Variants in ENOX2 observed in about 807,000 individuals in gnomAD.
ENOX2 encodes APK1 antigen.
Under a neutral mutation model 45.0 loss-of-function variants are expected in ENOX2, and 36 were observed. The observed-to-expected ratio is 0.80, with a 90% CI of 0.61 to 1.06. ENOX2 has a LOEUF of 1.06. Among genes scored for constraint, ENOX2 ranks in the 50% least tolerant of loss-of-function variants. The pLI is 0.00. For synonymous variants in ENOX2, 174 were observed against 152.3 expected, an observed-to-expected ratio of 1.14 and a Z score of -1.05; for missense variants, 423 against 462.5, an observed-to-expected ratio of 0.91 and a Z score of 0.78.
intron 3 of ENOX2, among the ~76,000 whole-genome samples, chrX:130,727,083 G>A (rs1036466847): frequency 1.8e-5 from 2 of 112,434 alleles, no homozygotes; most frequent in Non-Finnish European, 3.8e-5. Flanking sequence ...TAAATGAACA[G>A]ATGTAAAGTA....
chrX:130,791,524 G>T (rs1479259864), intron 2 of ENOX2, among the ~76,000 whole-genome samples: 1 of 111,590 alleles, frequency 9.0e-6, no homozygotes, highest in Non-Finnish European at 1.9e-5. Context: ...TTACCACGCT[G>T]GGCAGCAGTG....
At position 130,637,147 on chromosome X, in the gene ENOX2, A is replaced by T. The variant is rs777190994; in HGVS notation, c.1311+82T>A. ...AAGAAGAATAATAGGTTTGATATTCAATTTGATTGCAGGGGACCCTTTTAT... is the reference window on the plus strand; with the variant it reads ...AAGAAGAATAATAGGTTTGATATTCTATTTGATTGCAGGGGACCCTTTTAT... On this transcript the variant is annotated intron_variant, in intron 11 of 14. Coordinates refer to ENST00000394363, the MANE Select transcript of ENOX2 (RefSeq NM_006375.4). 11 of 762,535 alleles carry T rather than the reference A, an allele frequency of 1.4e-5. No homozygotes were observed. The Admixed American group carries it at 1.9e-4, about 13-fold the overall frequency. 62.8% of individuals were successfully genotyped at this position (762,535 alleles called of 1,213,427 possible).
In ENOX2 at chrX:130,700,465, G is replaced by T. The variant is rs548850203; in HGVS notation, c.97+2655C>A. ...TAAGAAAACAAGATGTGGAGAAGGGGGCCAATGGTAGAAATTAAAAATACT... is the reference window on the plus strand; with the variant it reads ...TAAGAAAACAAGATGTGGAGAAGGGTGCCAATGGTAGAAATTAAAAATACT... On this transcript the variant is annotated intron_variant, in intron 4 of 14. Coordinates refer to ENST00000394363, the MANE Select transcript of ENOX2 (RefSeq NM_006375.4). 4.6e-4 allele frequency among the ~76,000 whole-genome samples: 51 copies of T among 111,825 alleles called. 1 individual carries two copies. In the South Asian group the frequency reaches 0.019, roughly 41 times the overall value.
rs5977346 is a variant in ENOX2, at chrX:130,688,826, T to C, written c.253+37A>G. 0.011 allele frequency: 11,530 copies of C among 1,077,713 alleles called. 667 individuals are homozygous for C. In the African/African-American group the frequency reaches 0.18, roughly 17 times the overall value. 88.8% of individuals were successfully genotyped at this position (1,077,713 alleles called of 1,213,427 possible). On this transcript the variant is annotated intron_variant, in intron 5 of 14. Transcript: ENST00000394363. ...AAGAAAGCTTTCTTGTACACTAAAA[T>C]ATTGTGTCTTGTGTGGAGAAAAAAG...
intron 12 of ENOX2, among the ~76,000 whole-genome samples, chrX:130,632,352 A>G (rs2035772156): frequency 3.9e-5 from 1 of 25,581 alleles, no homozygotes; most frequent in Non-Finnish European, 7.9e-5. Flanking sequence ...TTCAGAATGT[A>G]GCAGGAAGGG....
chrX:130,717,946 T>C (rs932550460), intron 3 of ENOX2, among the ~76,000 whole-genome samples: 1 of 112,023 alleles, frequency 8.9e-6, no homozygotes, highest in Non-Finnish European at 1.9e-5. Flanking sequence ...TACCGTCTCT[T>C]CAAAAATGTT....
intron 10 of ENOX2, among the ~76,000 whole-genome samples, chrX:130,641,080 G>A (rs755439169): frequency 1.3e-4 from 15 of 111,544 alleles, no homozygotes; most frequent in Middle Eastern, 4.6e-3. Flanking sequence ...GAATTTCTCC[G>A]AAATTAATGT....
intron 2 of ENOX2, among the ~76,000 whole-genome samples, chrX:130,804,522 A>G (rs2077268806): frequency 9.0e-6 from 1 of 111,623 alleles, no homozygotes; most frequent in Non-Finnish European, 1.9e-5. Context: ...TTCCCTCTCA[A>G]TGCAGATACC....
chrX:130,893,014 G>C (rs1018882100), intron 2 of ENOX2, among the ~76,000 whole-genome samples: 5 of 111,533 alleles, frequency 4.5e-5, no homozygotes, highest in African/African-American at 1.6e-4. Context: ...CACAATAAAA[G>C]GTTGACGAAA....
intron 13 of ENOX2, among the ~76,000 whole-genome samples, chrX:130,629,194 C>A (rs893879114): frequency 2.7e-5 from 3 of 112,163 alleles, no homozygotes; most frequent in African/African-American, 9.7e-5. Flanking sequence ...TCTTAAACGA[C>A]TAGATAAATT....
intron 3 of ENOX2, among the ~76,000 whole-genome samples, chrX:130,772,186 C>A (rs2039756749): frequency 8.9e-6 from 1 of 112,070 alleles, no homozygotes; most frequent in African/African-American, 3.2e-5. Flanking sequence ...TGCTTTGTAG[C>A]AAAGGATGAC....
In ENOX2 at chrX:130,665,609, C is replaced by T. The variant is rs751267883; in HGVS notation, c.1014+34G>A. On this transcript the variant is annotated intron_variant, in intron 9 of 14. Transcript: ENST00000394363. ...AACTTGTTAACGAAAGAAACTGTCCCCCCAAGGGGCTACCAGAATAAAAAG... is the reference window on the plus strand; with the variant it reads ...AACTTGTTAACGAAAGAAACTGTCCTCCCAAGGGGCTACCAGAATAAAAAG... 2.2e-5 allele frequency: 22 copies of T among 1,007,578 alleles called. No homozygotes were observed. In the South Asian group the frequency reaches 3.2e-4, roughly 15 times the overall value. The allele number at this position is 1,007,578 out of a possible 1,213,427, so 83.0% of individuals were successfully genotyped here.
At chrX:130,830,888 C>A in intron 2 of ENOX2, among the ~76,000 whole-genome samples, 1 of 111,484 alleles carries the variant, frequency 9.0e-6, no homozygotes, top group Middle Eastern at 4.6e-3. Context: ...ATCTCTAGTA[C>A]ATTTTCTGTT....
chrX:130,810,091 A>G (rs1160632484), intron 2 of ENOX2, among the ~76,000 whole-genome samples: 2 of 110,546 alleles, frequency 1.8e-5, no homozygotes, highest in South Asian at 4.0e-4. Flanking sequence ...CCCTCTCCCA[A>G]CCCCATGCAG....
intron 10 of ENOX2, among the ~76,000 whole-genome samples, chrX:130,640,720 T>C (rs1426877989): frequency 1.8e-5 from 2 of 110,580 alleles, no homozygotes; most frequent in African/African-American, 6.6e-5. Flanking sequence ...CATGGACACA[T>C]GGGAGGGAAC....
chrX:130,657,826 T>A (rs1345187979), intron 9 of ENOX2, among the ~76,000 whole-genome samples: 2 of 112,217 alleles, frequency 1.8e-5, no homozygotes, highest in East Asian at 5.6e-4. Flanking sequence ...TAGGAAGATA[T>A]GGCCCATTTC....
chrX:130,671,349 T>C (rs2036986002), intron 6 of ENOX2, among the ~76,000 whole-genome samples: 1 of 111,708 alleles, frequency 9.0e-6, no homozygotes, highest in South Asian at 3.8e-4. Flanking sequence ...CCAAATGAAG[T>C]GATCCCTATG....
At chrX:130,631,051 T>G (rs1436319559) in intron 13 of ENOX2, among the ~76,000 whole-genome samples, 1 of 111,253 alleles carries the variant, frequency 9.0e-6, no homozygotes, top group Non-Finnish European at 1.9e-5. Context: ...GCCAGTAACC[T>G]GGAAAAACTT....
At chrX:130,637,697 A>C (rs1477896592) in intron 10 of ENOX2, among the ~76,000 whole-genome samples, 2 of 111,939 alleles carry the variant, frequency 1.8e-5, no homozygotes, top group Non-Finnish European at 3.8e-5. Flanking sequence ...TAACAGCCCT[A>C]TAATAATAAT....
Sources: allele counts gnomAD v4.1 joint callset (sites outside exome capture counted in the v4.1 genomes callset), GRCh38; gene constraint gnomAD v4.1.1; transcripts MANE v1.5; gene names NCBI Gene and HGNC (gene_info 2026-07-23, HGNC 2026-07-21).